The following FAM217A variants were observed in gnomAD, a reference collection of about 807,000 sequenced individuals.
FAM217A encodes the protein family with sequence similarity 217 member A, also known as protein FAM217A.
A neutral mutation model predicts 18.5 loss-of-function variants in FAM217A; 13 were observed. That is an observed-to-expected ratio of 0.70 (90% CI 0.46 to 1.12). FAM217A has a LOEUF of 1.12. FAM217A is among the 50% of genes most tolerant of loss of function. The probability of loss-of-function intolerance (pLI) is 0.00; values close to 1 mark genes in which losing one functional copy is unlikely to be tolerated. For missense variants in FAM217A, 560 were observed against 575.4 expected (o/e 0.97, Z 0.27); for synonymous variants, 161 against 202.8 (o/e 0.79, Z 1.75).
In FAM217A at chr6:4,069,668, A is replaced by G. The variant is rs756907917; in HGVS notation, c.555T>C (p.Asn185=). The change falls in exon 7 of 7, where the codon AAT becomes AAC. Residue 185 remains asparagine (N), a synonymous_variant. Transcript: ENST00000274673. ...TGCTGTTTCCATGTTTCAAATTCCAATTTGGAGCAGGTAATGTTTCACCAT... is the reference window on the plus strand; with the variant it reads ...TGCTGTTTCCATGTTTCAAATTCCAGTTTGGAGCAGGTAATGTTTCACCAT... The part of the protein sequence containing the change: ...NNDGETLPAP[N]WNLKHGNSSV... The G allele has an allele frequency of 2.5e-6, 4 of 1,613,982 alleles. No homozygotes were observed. Among genetic ancestry groups the G allele is most frequent in the African/African-American group, 1.3e-5 (1 of 74,878 alleles).
In FAM217A at chr6:4,073,497, TC is replaced by T. The variant is rs754550252; in HGVS notation, c.169del (p.Glu57LysfsTer7). On this transcript the variant is annotated frameshift_variant, in exon 5 of 7. Transcript: ENST00000274673. LOFTEE classifies it high-confidence loss of function. The stretch of plus-strand genomic sequence containing the variant: ...TAGCATCAGTTGCTCCACTGGAATT[TC>T]CAAATAGTTCTATAAGGCAGCAGAA... ...AGGKINKNYL[E>X]IPVEQLMLEP... is the part of the protein sequence containing the mutation. 1.2e-6 allele frequency: 2 copies of T among 1,613,258 alleles called. No individual in the cohort carries two copies. Among genetic ancestry groups the T allele is most frequent in the South Asian group, 2.2e-5 (2 of 90,926 alleles).
At chr6:4,072,486 G>A (rs1303559917) in intron 6 of FAM217A, among the ~76,000 whole-genome samples, 1 of 147,904 alleles carries the variant, frequency 6.8e-6, no homozygotes, top group African/African-American at 2.5e-5. Context: ...AAAGCGGCCT[G>A]GCATGGTGGC....
At chr6:4,077,515 G>A (rs1769907900) in intron 1 of FAM217A, 67 bp from the exon 2 acceptor site, 1 of 1,302,600 alleles carries the variant, frequency 7.7e-7, no homozygotes, top group African/African-American at 1.5e-5. Context: ...GAAAGTGTGA[G>A]TTTTGATTTC....
Position 4,077,355 on chromosome 6 carries a change from C to G in FAM217A, c.60G>C (p.Glu20Asp), listed in dbSNP as rs1410848694. The G allele has an allele frequency of 6.2e-7, 1 of 1,614,020 alleles. No individual in the cohort carries two copies. Among genetic ancestry groups the G allele is most frequent in the Non-Finnish European group, 8.5e-7 (1 of 1,179,998 alleles). Residue 20 changes from glutamate (E) to aspartate (D), a missense_variant and splice_region_variant, in exon 2 of 7, where the codon GAG becomes GAC. Coordinates refer to ENST00000274673, the MANE Select transcript of FAM217A (RefSeq NM_173563.3). ...TCAAGTTCAACAGCGCCTGCCATAC[C>G]TCCTGAGAGATGTTTGACACACGTA... Reference protein sequence around the residue: ...NSLRVSNISQENLSHWNLDSE... With the variant: ...NSLRVSNISQDNLSHWNLDSE...
rs1350574800 is a variant in FAM217A, at chr6:4,069,549, T to C, written c.674A>G (p.Asn225Ser). 6.2e-7 allele frequency: 1 copy of C among 1,614,034 alleles called. No homozygotes were observed. The highest frequency in any genetic ancestry group is 8.5e-7 in the Non-Finnish European group (1 of 1,180,038). ...LLSYFKKVDL[N>S]LKPETIKNVE... is the part of the protein sequence containing the mutation. Reference sequence around the variant, plus strand: ...ATTTTTTATTGTTTCTGGCTTCAAGTTCAGGTCCACCTTTTTAAAATAGCT... The same window carrying C: ...ATTTTTTATTGTTTCTGGCTTCAAGCTCAGGTCCACCTTTTTAAAATAGCT... Residue 225 changes from asparagine (N) to serine (S), a missense_variant, in exon 7 of 7, where the codon AAC (asparagine) becomes AGC (serine). Asn to Ser is a conservative substitution (Grantham distance 46, BLOSUM62 1). Transcript: ENST00000274673.
At chr6:4,072,225 T>C (rs1203883831) in intron 6 of FAM217A, among the ~76,000 whole-genome samples, 1 of 151,684 alleles carries the variant, frequency 6.6e-6, no homozygotes, top group Non-Finnish European at 1.5e-5. Context: ...CCTGTAATCC[T>C]AGCTACTCAG....
rs375085895 is a variant in FAM217A, at chr6:4,069,617, T to A, written c.606A>T (p.Glu202Asp). The A allele has an allele frequency of 3.5e-5, 57 of 1,614,044 alleles. No individual in the cohort carries two copies. Among genetic ancestry groups the A allele is most frequent in the Non-Finnish European group, 4.8e-5 (57 of 1,180,028 alleles). ...TCTTCTCATTTTCTGATAAATCACT[T>A]TCATCTGTGAAATTTTCTTCCACAC... is the stretch of plus-strand genomic sequence containing the variant. ...NSSVEENFTD[E>D]SDLSENEKTN... Residue 202 changes from glutamate (E) to aspartate (D), a missense_variant, in exon 7 of 7, where the codon GAA (glutamate) becomes GAT (aspartate). Coordinates refer to ENST00000274673, the MANE Select transcript of FAM217A (RefSeq NM_173563.3).
chr6:4,079,536 CGAGGCCTCCAGGCCCTTCCCT>C (rs1246628714), upstream of FAM217A: 191 of 1,120,150 alleles, frequency 1.7e-4, no homozygotes, highest in Middle Eastern at 6.3e-4. Flanking sequence ...AGGCCTTCCC[CGAGGCCTCCAGGCCCTTCCCT>C]GGGCCTCTCC....
intron 1 of FAM217A, among the ~76,000 whole-genome samples, chr6:4,077,752 T>G (rs1769931992): frequency 6.6e-6 from 1 of 152,146 alleles, no homozygotes; most frequent in African/African-American, 2.4e-5. Context: ...TGGAACAAAC[T>G]ATGGTGAATT....
intron 2 of FAM217A, 56 bp downstream of exon 2, chr6:4,077,299 G>A (rs1186798016): frequency 3.8e-6 from 6 of 1,569,204 alleles, no homozygotes; most frequent in East Asian, 2.2e-5. Flanking sequence ...TGGGAGTTAC[G>A]TGTTAGCAAC....
At chr6:4,081,473 G>A (rs963301236), upstream of FAM217A, among the ~76,000 whole-genome samples, 3 of 151,876 alleles carry the variant, frequency 2.0e-5, no homozygotes, top group South Asian at 2.1e-4. Flanking sequence ...CACCACGCCC[G>A]GCTAATTTTT....
intron 5 of FAM217A, 27 bp from the exon 6 acceptor site, chr6:4,073,369 A>C (rs2113864532): frequency 6.3e-7 from 1 of 1,594,010 alleles, no homozygotes; most frequent in African/African-American, 1.3e-5. Context: ...AATGGGTAAT[A>C]GTTTAGTAGC....
intron 1 of FAM217A, among the ~76,000 whole-genome samples, chr6:4,086,446 CAAAAAAAAAAAA>C (rs60309347): frequency 3.9e-5 from 3 of 76,872 alleles, no homozygotes; most frequent in African/African-American, 1.3e-4. Flanking sequence ...AACTCTGTCT[CAAAAAAAAAAAA>C]AAAAAAAAAA....
chr6:4,079,632 C>A (rs753288649), upstream of FAM217A: 7 of 1,288,804 alleles, frequency 5.4e-6, no homozygotes, highest in South Asian at 8.7e-5. Context: ...CACCCGCCTC[C>A]ACCCTCCATT....
chr6:4,070,891 G>A (rs12192980), intron 6 of FAM217A, among the ~76,000 whole-genome samples: 5,782 of 152,054 alleles, frequency 0.038, 152 homozygotes, highest in Middle Eastern at 0.072. Flanking sequence ...TGCTCCTCTG[G>A]AGGCTGAGTT....
chr6:4,085,105 G>A (rs1442846591), intron 1 of FAM217A, among the ~76,000 whole-genome samples: 1 of 152,104 alleles, frequency 6.6e-6, no homozygotes, highest in Admixed American at 6.6e-5. Context: ...CACAATGAAA[G>A]CATTTGTTCC....
At chr6:4,079,444 C>A, upstream of FAM217A, 1 of 357,090 alleles carries the variant, frequency 2.8e-6, no homozygotes, top group Non-Finnish European at 5.3e-6. Context: ...CGGGCCTTCT[C>A]GGGCCTTCTC....
In FAM217A at chr6:4,071,761, T is replaced by C. The variant is rs576635989; in HGVS notation, c.302+1514A>G. Among the ~76,000 whole-genome samples, 10 of 152,298 alleles carry C rather than the reference T, an allele frequency of 6.6e-5. No individual in the cohort carries two copies. The South Asian group carries it at 2.1e-3, about 32-fold the overall frequency. On this transcript the variant is annotated intron_variant, in intron 6 of 6. Transcript: ENST00000274673. ...TCAGTCACCACAACTGCCATAGAAC[T>C]TGATTTCCCCCTTGAATTTTAACAT...
upstream of FAM217A, among the ~76,000 whole-genome samples, chr6:4,083,990 C>T (rs1035416327): frequency 4.6e-5 from 7 of 152,134 alleles, no homozygotes; most frequent in African/African-American, 1.7e-4. Flanking sequence ...CAATTATGGG[C>T]AATCTGTATT....
Sources: gnomAD v4.1 joint callset for allele counts (sites outside exome capture counted in the v4.1 genomes callset) on GRCh38, gnomAD v4.1.1 for gene constraint, MANE v1.5 for transcripts, NCBI Gene and HGNC (gene_info 2026-07-23, HGNC 2026-07-21) for gene names.